Variants in PLXDC2 observed in about 807,000 individuals in gnomAD.
PLXDC2 encodes the protein plexin domain-containing protein 2.
PLXDC2 carries 40 observed loss-of-function variants against 68.9 expected under a neutral mutation model. The observed-to-expected ratio is 0.58, with a 90% CI of 0.45 to 0.76. The LOEUF is 0.76. Among genes scored for constraint, PLXDC2 ranks in the 30% least tolerant of loss-of-function variants. The pLI is 0.00. For missense variants in PLXDC2, 644 were observed against 661.9 expected (o/e 0.97, Z 0.30); for synonymous variants, 243 against 234.2 (o/e 1.04, Z -0.34).
rs568155879 is a variant in PLXDC2, at chr10:20,099,662, G to A, written c.541+31423G>A. ...AAATTGTGTGAGTGAGGGCTTCTGA[G>A]TCATCAGAAAATGTTTTCACAGAAC... On this transcript the variant is annotated intron_variant, in intron 4 of 13. Transcript: ENST00000377252. Among the ~76,000 whole-genome samples, 3 of 152,290 alleles carry A rather than the reference G, an allele frequency of 2.0e-5. No individual in the cohort carries two copies. In the South Asian group the frequency reaches 6.2e-4, roughly 32 times the overall value.
chr10:20,184,427 A>G (rs986853226), intron 9 of PLXDC2, among the ~76,000 whole-genome samples: 4 of 150,026 alleles, frequency 2.7e-5, no homozygotes, highest in African/African-American at 4.9e-5. Flanking sequence ...TACATAGTGA[A>G]ATCTAAATAA....
At chr10:20,174,756 A>C (rs1271571943) in intron 7 of PLXDC2, among the ~76,000 whole-genome samples, 1 of 152,126 alleles carries the variant, frequency 6.6e-6, no homozygotes, top group Non-Finnish European at 1.5e-5. Flanking sequence ...ACAAACCTGC[A>C]CATTGTGCAC....
chr10:20,086,536 T>C (rs1833199129), intron 4 of PLXDC2, among the ~76,000 whole-genome samples: 1 of 151,942 alleles, frequency 6.6e-6, no homozygotes, highest in African/African-American at 2.4e-5. Flanking sequence ...TTGCATGTTC[T>C]TTTTGACATT....
intron 1 of PLXDC2, among the ~76,000 whole-genome samples, chr10:19,922,860 A>T (rs547365808): frequency 6.6e-6 from 1 of 152,314 alleles, no homozygotes; most frequent in African/African-American, 2.4e-5. Context: ...TTTCCTTATT[A>T]ATAACATAGT....
At chr10:20,165,412 A>G (rs910660947) in intron 7 of PLXDC2, among the ~76,000 whole-genome samples, 6 of 152,136 alleles carry the variant, frequency 3.9e-5, no homozygotes, top group African/African-American at 1.2e-4. Context: ...ATATCTCCCA[A>G]TGCTATCCCT....
At chr10:20,004,422 A>T (rs1029109997) in intron 2 of PLXDC2, among the ~76,000 whole-genome samples, 1 of 152,158 alleles carries the variant, frequency 6.6e-6, no homozygotes. Context: ...AACTTGGGGT[A>T]GGCAACATAA....
At chr10:19,989,514 G>A (rs573826846) in intron 1 of PLXDC2, among the ~76,000 whole-genome samples, 1 of 152,258 alleles carries the variant, frequency 6.6e-6, no homozygotes, top group South Asian at 2.1e-4. Context: ...ATACGCATAT[G>A]TGGACACATA....
At chr10:20,269,886 T>C (rs1434425942) in intron 13 of PLXDC2, among the ~76,000 whole-genome samples, 1 of 151,980 alleles carries the variant, frequency 6.6e-6, no homozygotes. Context: ...GGCATGGTTG[T>C]GCGTGCTTGT....
At chr10:20,005,548 G>A (rs1031674702) in intron 2 of PLXDC2, among the ~76,000 whole-genome samples, 1 of 152,150 alleles carries the variant, frequency 6.6e-6, no homozygotes, top group Non-Finnish European at 1.5e-5. Context: ...GGTTCTGTAG[G>A]CCCTACAGGA....
At chr10:20,103,737 G>A (rs1318059868) in intron 4 of PLXDC2, among the ~76,000 whole-genome samples, 1 of 151,770 alleles carries the variant, frequency 6.6e-6, no homozygotes. Flanking sequence ...CACCTCCTGG[G>A]TTCAAGCAAT....
chr10:20,198,093 C>T (rs1456462186), intron 9 of PLXDC2, among the ~76,000 whole-genome samples: 5 of 152,106 alleles, frequency 3.3e-5, no homozygotes, highest in Admixed American at 2.6e-4. Flanking sequence ...GAGAAGAATA[C>T]TCCTTGATCA....
chr10:19,827,223 G>C (rs1836588773), intron 1 of PLXDC2, among the ~76,000 whole-genome samples: 1 of 152,096 alleles, frequency 6.6e-6, no homozygotes, highest in African/African-American at 2.4e-5. Flanking sequence ...AAGGGGGTGG[G>C]GGAACCCATA....
At chr10:19,843,481 A>C (rs1445236184) in intron 1 of PLXDC2, among the ~76,000 whole-genome samples, 2 of 152,210 alleles carry the variant, frequency 1.3e-5, no homozygotes, top group Admixed American at 6.5e-5. Context: ...TTTCTAGTGA[A>C]GAAGAAAATC....
chr10:20,182,071 T>TTTTG (rs1554772999), intron 9 of PLXDC2, among the ~76,000 whole-genome samples: 2 of 146,456 alleles, frequency 1.4e-5, no homozygotes, highest in African/African-American at 5.1e-5. Context: ...AACCGGTTAT[T>TTTTG]TGTGTGTGTG....
chr10:19,937,544 GTATATATATATATATATATATATA>G (rs71388881), intron 1 of PLXDC2, among the ~76,000 whole-genome samples: 13 of 95,966 alleles, frequency 1.4e-4, no homozygotes, highest in Non-Finnish European at 2.0e-4. Context: ...TATAGTCAAT[GTATATATATATATATATATATATA>G]TATATATATA....
At chr10:20,117,287 C>A (rs1449972370) in intron 4 of PLXDC2, among the ~76,000 whole-genome samples, 2 of 152,096 alleles carry the variant, frequency 1.3e-5, no homozygotes, top group African/African-American at 2.4e-5. Context: ...TAAATAATGA[C>A]AAATACCATG....
intron 4 of PLXDC2, among the ~76,000 whole-genome samples, chr10:20,082,789 G>A (rs185951377): frequency 7.6e-4 from 115 of 152,240 alleles, no homozygotes; most frequent in Admixed American, 2.8e-3. Context: ...CATCACTGAG[G>A]ATGTTCAGGT....
At chr10:20,250,255 G>A (rs1483624954) in intron 13 of PLXDC2, among the ~76,000 whole-genome samples, 4 of 139,018 alleles carry the variant, frequency 2.9e-5, no homozygotes, top group African/African-American at 1.1e-4. Flanking sequence ...CTGGGCAATC[G>A]AGTGAGATCC....
chr10:20,149,951 G>A (rs772431541), intron 6 of PLXDC2, among the ~76,000 whole-genome samples: 5 of 152,092 alleles, frequency 3.3e-5, no homozygotes, highest in Non-Finnish European at 7.4e-5. Context: ...CTTTTTTAGA[G>A]TAGTTTTAGA....
Sources: gnomAD v4.1 joint callset for allele counts (sites outside exome capture counted in the v4.1 genomes callset) on GRCh38, gnomAD v4.1.1 for gene constraint, MANE v1.5 for transcripts, NCBI Gene and HGNC (gene_info 2026-07-23, HGNC 2026-07-21) for gene names.